Variants in BCL2L1 observed in about 807,000 individuals in gnomAD.
The protein encoded by BCL2L1 is bcl-2-like protein 1.
In BCL2L1, 1 loss-of-function variant was observed where a neutral mutation model predicts 18.7. The observed-to-expected ratio is 0.05, with a 90% CI of 0.02 to 0.25. The LOEUF is 0.25. BCL2L1 is among the 10% of genes least tolerant of loss of function. The pLI, the probability that BCL2L1 is intolerant of heterozygous loss-of-function variation, is 1.00. For missense variants in BCL2L1, 207 were observed against 304.9 expected (o/e 0.68, Z 2.39); for synonymous variants, 103 against 122.7 (o/e 0.84, Z 1.06).
chr20:31,723,409 G>A, upstream of BCL2L1: 1 of 985,538 alleles, frequency 1.0e-6, no homozygotes, highest in Non-Finnish European at 1.2e-6. Flanking sequence ...ACGTTTTCCT[G>A]GGGACAGGCC....
At chr20:31,723,911 TC>T, upstream of BCL2L1, 2 of 985,384 alleles carry the variant, frequency 2.0e-6, no homozygotes, top group Non-Finnish European at 2.4e-6. Flanking sequence ...GGCCTCAGTT[TC>T]CCCTGAAGAG....
Position 31,722,178 on chromosome 20 carries a change from G to T in BCL2L1, c.41C>A (p.Ser14Tyr). The T allele has an allele frequency of 1.3e-6, 2 of 1,499,944 alleles. No homozygotes were observed. The highest frequency in any genetic ancestry group is 1.8e-6 in the Non-Finnish European group (2 of 1,131,476). 92.9% of individuals were successfully genotyped at this position (1,499,944 alleles called of 1,614,324 possible). A position where few individuals can be genotyped will look rare whatever the true frequency, so the allele number is the denominator to read the frequency against. ...SNRELVVDFL[S>Y]YKLSQKGYSW... ...GTATCCTTTCTGGGAAAGCTTGTAGGAGAGAAAGTCAACCACCAGCTCCCG... is the reference window on the plus strand; with the variant it reads ...GTATCCTTTCTGGGAAAGCTTGTAGTAGAGAAAGTCAACCACCAGCTCCCG... The change falls in exon 2 of 3, where the codon TCC becomes TAC. Residue 14 changes from serine (S) to tyrosine (Y), a missense_variant. Transcript: ENST00000307677.
intron 2 of BCL2L1, among the ~76,000 whole-genome samples, chr20:31,703,814 T>A (rs1416938951): frequency 2.0e-5 from 3 of 149,818 alleles, no homozygotes; most frequent in African/African-American, 7.4e-5. Context: ...TTTTTTTTTT[T>A]TTGAGACGAG....
At chr20:31,666,136 T>C (rs1038777780) in intron 2 of BCL2L1, 50 bp from the exon 3 acceptor site, 17 of 1,604,802 alleles carry the variant, frequency 1.1e-5, no homozygotes, top group Non-Finnish European at 1.4e-5. Flanking sequence ...GAGAGTGATG[T>C]AGGTGGGTGG....
intron 2 of BCL2L1, among the ~76,000 whole-genome samples, chr20:31,718,234 G>C (rs2061569446): frequency 6.6e-6 from 1 of 152,118 alleles, no homozygotes; most frequent in Non-Finnish European, 1.5e-5. Flanking sequence ...TCTGGCTAAG[G>C]GTCTACACTT....
chr20:31,720,676 G>C lies in BCL2L1; in HGVS notation c.564+979C>G. ...ATACACTGTAAGGCAAGGAGAGCTT[G>C]CCACATTTTTTAGTGAAAGAAACTA... On this transcript the variant is annotated intron_variant, in intron 2 of 2. Coordinates refer to ENST00000307677, the MANE Select transcript of BCL2L1 (RefSeq NM_138578.3). The C allele has an allele frequency of 3.1e-6, 3 of 981,236 alleles. No individual in the cohort carries two copies. The East Asian group carries it at 3.4e-4, about 112-fold the overall frequency. 60.8% of individuals were successfully genotyped at this position (981,236 alleles called of 1,614,324 possible). A position where few individuals can be genotyped will look rare whatever the true frequency, so the allele number is the denominator to read the frequency against.
intron 2 of BCL2L1, among the ~76,000 whole-genome samples, chr20:31,709,345 G>A (rs747163505): frequency 1.3e-5 from 2 of 152,078 alleles, no homozygotes; most frequent in African/African-American, 2.4e-5. Context: ...GTGCACGCGT[G>A]TGTAACTAGC....
intron 2 of BCL2L1, among the ~76,000 whole-genome samples, chr20:31,710,904 G>A (rs545911731): frequency 6.6e-6 from 1 of 152,244 alleles, no homozygotes; most frequent in Admixed American, 6.5e-5. Context: ...TCACCCAACC[G>A]CGGGCCCTGA....
chr20:31,680,084 G>T (rs1048985331), intron 2 of BCL2L1, among the ~76,000 whole-genome samples: 2 of 152,174 alleles, frequency 1.3e-5, no homozygotes, highest in Admixed American at 1.3e-4. Context: ...AGTATTTGCT[G>T]AACTAATATT....
At chr20:31,701,639 A>T (rs2061278909) in intron 2 of BCL2L1, among the ~76,000 whole-genome samples, 2 of 152,218 alleles carry the variant, frequency 1.3e-5, no homozygotes, top group Non-Finnish European at 2.9e-5. Flanking sequence ...TTTAAGTGGT[A>T]CAGTGGTATA....
chr20:31,713,537 C>T, intron 2 of BCL2L1: 1 of 985,348 alleles, frequency 1.0e-6, no homozygotes, highest in East Asian at 1.1e-4. Flanking sequence ...GAGGGGAGCA[C>T]TGGAGGCTGC....
At chr20:31,712,514 A>G (rs2061469858) in intron 2 of BCL2L1, among the ~76,000 whole-genome samples, 1 of 152,224 alleles carries the variant, frequency 6.6e-6, no homozygotes, top group Non-Finnish European at 1.5e-5. Context: ...TTAATCACCA[A>G]CTGGAGTAAG....
chr20:31,674,433 T>G (rs902503105), intron 2 of BCL2L1, among the ~76,000 whole-genome samples: 2 of 152,130 alleles, frequency 1.3e-5, no homozygotes, highest in African/African-American at 4.8e-5. Context: ...TTCAGTGCCT[T>G]TACTCCTAAC....
At chr20:31,717,488 G>C (rs2061554777) in intron 2 of BCL2L1, among the ~76,000 whole-genome samples, 1 of 152,212 alleles carries the variant, frequency 6.6e-6, no homozygotes, top group South Asian at 2.1e-4. Context: ...CCCTGTGATG[G>C]TAACAGAATT....
rs371362273 is a variant in BCL2L1, at chr20:31,721,685, T to G, written c.534A>C (p.Leu178=). Reference sequence around the variant, plus strand: ...CGCCGTTCTCCTGGATCCAAGGCTCTAGGTGGTCATTCAGGTAAGTGGCCA... The same window carrying G: ...CGCCGTTCTCCTGGATCCAAGGCTCGAGGTGGTCATTCAGGTAAGTGGCCA... ...AWMATYLNDH[L]EPWIQENGGW... Residue 178 remains leucine (L), a synonymous_variant, in exon 2 of 3, where the codon CTA becomes CTC. Coordinates refer to ENST00000307677, the MANE Select transcript of BCL2L1 (RefSeq NM_138578.3). 1.2e-6 allele frequency: 2 copies of G among 1,613,450 alleles called. No homozygotes were observed. The highest frequency in any genetic ancestry group is 1.7e-6 in the Non-Finnish European group (2 of 1,179,592).
intron 2 of BCL2L1, among the ~76,000 whole-genome samples, chr20:31,676,070 G>T (rs2060753882): frequency 6.6e-6 from 1 of 152,184 alleles, no homozygotes; most frequent in African/African-American, 2.4e-5. Flanking sequence ...GCCTAGCAGT[G>T]CGAGTGTGGG....
chr20:31,713,570 G>A lies in BCL2L1; in HGVS notation c.564+8085C>T, dbSNP rs533579485. 3.9e-5 allele frequency: 38 copies of A among 985,356 alleles called. No individual in the cohort carries two copies. In the South Asian group the frequency reaches 1.5e-3, roughly 38 times the overall value. The allele number at this position is 985,356 out of a possible 1,614,324, so 61.0% of individuals were successfully genotyped here. A position where few individuals can be genotyped will look rare whatever the true frequency, so the allele number is the denominator to read the frequency against. Reference sequence around the variant, plus strand: ...TGCCCAAAAAGCTGTGTGGCTCAGAGTTCACTGTAAGGCTCAAGCTTGGCC... The same window carrying A: ...TGCCCAAAAAGCTGTGTGGCTCAGAATTCACTGTAAGGCTCAAGCTTGGCC... On this transcript the variant is annotated intron_variant, in intron 2 of 2. Transcript: ENST00000307677.
At chr20:31,705,947 C>T (rs986531657) in intron 2 of BCL2L1, among the ~76,000 whole-genome samples, 3 of 152,088 alleles carry the variant, frequency 2.0e-5, no homozygotes, top group African/African-American at 7.2e-5. Flanking sequence ...TCCCAGGAGA[C>T]ACTGAGCCTT....
chr20:31,694,780 CTCAAAG>C (rs1187181116), intron 2 of BCL2L1, among the ~76,000 whole-genome samples: 5 of 152,110 alleles, frequency 3.3e-5, no homozygotes, highest in African/African-American at 9.7e-5. Context: ...CAAACACTTG[CTCAAAG>C]TCAAACAGTA....
Sources: allele counts gnomAD v4.1 joint callset (sites outside exome capture counted in the v4.1 genomes callset), GRCh38; gene constraint gnomAD v4.1.1; transcripts MANE v1.5; gene names NCBI Gene and HGNC (gene_info 2026-07-23, HGNC 2026-07-21).